Variants in SEMA6D observed in about 807,000 individuals in gnomAD.
SEMA6D encodes semaphorin-6D.
A neutral mutation model predicts 106.6 loss-of-function variants in SEMA6D; 35 were observed. The ratio of observed to expected loss-of-function variants is 0.33; its 90% CI spans 0.25 to 0.44. The LOEUF is 0.44. Ranked by LOEUF, SEMA6D falls within the 20% of genes least tolerant of loss-of-function variation. SEMA6D has a pLI of 1.00. For missense variants in SEMA6D, 1,185 were observed against 1,345.9 expected, an observed-to-expected ratio of 0.88 and a Z score of 1.87; for synonymous variants, 499 against 487.7, an observed-to-expected ratio of 1.02 and a Z score of -0.31.
At chr15:47,390,900 A>G (rs1040298598) in intron 1 of SEMA6D, among the ~76,000 whole-genome samples, 3 of 152,266 alleles carry the variant, frequency 2.0e-5, no homozygotes, top group African/African-American at 7.2e-5. Flanking sequence ...TTAATAACCG[A>G]GAAGCAGGAG....
intron 1 of SEMA6D, among the ~76,000 whole-genome samples, chr15:47,756,917 AG>A (rs1244373994): frequency 2.1e-5 from 2 of 96,988 alleles, no homozygotes; most frequent in Non-Finnish European, 4.5e-5. Flanking sequence ...TTTTTTTTTC[AG>A]AAATACAGCT....
At chr15:47,621,213 C>T (rs376691582) in intron 4 of SEMA6D, among the ~76,000 whole-genome samples, 3 of 152,136 alleles carry the variant, frequency 2.0e-5, no homozygotes, top group East Asian at 1.9e-4. Context: ...CAGGTGAGAA[C>T]CCCACCAACT....
chr15:47,218,718 AT>A (rs1390726897), intron 1 of SEMA6D, among the ~76,000 whole-genome samples: 3 of 152,190 alleles, frequency 2.0e-5, no homozygotes, highest in Non-Finnish European at 4.4e-5. Flanking sequence ...GGAAATGTAA[AT>A]TTATTAATCC....
At chr15:47,364,705 C>G (rs536571993) in intron 1 of SEMA6D, among the ~76,000 whole-genome samples, 36 of 152,148 alleles carry the variant, frequency 2.4e-4, no homozygotes, top group African/African-American at 7.9e-4. Flanking sequence ...CCAATGCTTT[C>G]TCATCTTAAG....
In SEMA6D at chr15:47,260,102, T is replaced by C. The variant is rs115798601; in HGVS notation, c.-239+75684T>C. Among the ~76,000 whole-genome samples, 1,295 of 152,198 alleles carry C rather than the reference T, an allele frequency of 8.5e-3. 25 individuals are homozygous for C. The highest frequency in any genetic ancestry group is 0.03 in the African/African-American group (1,233 of 41,562). ...TTGCTGATATTTTCTACTTTATATT[T>C]GTTTCAAGAGAGTTTATAATTGATT... On this transcript the variant is annotated intron_variant, in intron 1 of 19. Transcript: ENST00000558014.
chr15:47,297,778 A>G (rs2035863046), intron 1 of SEMA6D, among the ~76,000 whole-genome samples: 1 of 152,164 alleles, frequency 6.6e-6, no homozygotes. Context: ...TTGTGTGATC[A>G]AGGGAGCTGC....
intron 3 of SEMA6D, among the ~76,000 whole-genome samples, chr15:47,577,100 A>T (rs2076168755): frequency 6.6e-6 from 1 of 152,244 alleles, no homozygotes; most frequent in Non-Finnish European, 1.5e-5. Context: ...AATTATAAAC[A>T]TTAGTAAGTG....
chr15:47,710,373 G>T (rs2078992828), intron 4 of SEMA6D, among the ~76,000 whole-genome samples: 1 of 152,106 alleles, frequency 6.6e-6, no homozygotes, highest in African/African-American at 2.4e-5. Flanking sequence ...AGTATGCCTT[G>T]AAACTGAGTG....
intron 1 of SEMA6D, among the ~76,000 whole-genome samples, chr15:47,728,981 A>G (rs1273418065): frequency 6.6e-6 from 1 of 152,214 alleles, no homozygotes; most frequent in Non-Finnish European, 1.5e-5. Context: ...CATGTAAGGC[A>G]GCATATTTAC....
chr15:47,302,564 G>T (rs1189919876), intron 1 of SEMA6D, among the ~76,000 whole-genome samples: 5 of 152,116 alleles, frequency 3.3e-5, no homozygotes. Flanking sequence ...CTGGATGAGT[G>T]GGTGGGTCCA....
intron 1 of SEMA6D, among the ~76,000 whole-genome samples, chr15:47,365,815 C>T (rs548243625): frequency 4.0e-5 from 6 of 149,420 alleles, no homozygotes; most frequent in South Asian, 2.1e-4. Flanking sequence ...GAGCCGAGAT[C>T]ACGCCACTGC....
At chr15:47,275,330 A>G (rs888179918) in intron 1 of SEMA6D, among the ~76,000 whole-genome samples, 3 of 152,162 alleles carry the variant, frequency 2.0e-5, no homozygotes, top group African/African-American at 7.2e-5. Context: ...CTGTTAGTAT[A>G]AGGATACCTT....
intron 3 of SEMA6D, 112 bp downstream of exon 3, chr15:47,760,527 A>C (rs1478504720): frequency 8.9e-6 from 7 of 789,846 alleles, no homozygotes; most frequent in Non-Finnish European, 1.4e-5. Flanking sequence ...AAAAATTGCA[A>C]GTAGCCAGAA....
At chr15:47,525,124 CA>C (rs1031814142) in intron 3 of SEMA6D, 2 of 152,350 alleles carry the variant, frequency 1.3e-5, no homozygotes, top group Admixed American at 6.5e-5. Context: ...CCCTGCCTAC[CA>C]GTAGTCTCTC....
intron 3 of SEMA6D, among the ~76,000 whole-genome samples, chr15:47,505,319 AG>A (rs1267176345): frequency 1.3e-5 from 2 of 152,208 alleles, no homozygotes; most frequent in African/African-American, 4.8e-5. Context: ...AGCAGGACTG[AG>A]AACTTAAGCC....
intron 3 of SEMA6D, among the ~76,000 whole-genome samples, chr15:47,593,223 T>C (rs1009499816): frequency 2.0e-5 from 3 of 151,534 alleles, no homozygotes; most frequent in Admixed American, 6.6e-5. Flanking sequence ...GCTAACACGG[T>C]AAAACCCTGT....
At chr15:47,323,707 G>A (rs1566998203) in intron 1 of SEMA6D, among the ~76,000 whole-genome samples, 2 of 152,226 alleles carry the variant, frequency 1.3e-5, no homozygotes, top group Admixed American at 1.3e-4. Context: ...CTAGGAATTT[G>A]TCTGTCTCCT....
intron 1 of SEMA6D, among the ~76,000 whole-genome samples, chr15:47,272,029 A>C (rs2034582483): frequency 6.6e-6 from 1 of 152,206 alleles, no homozygotes; most frequent in South Asian, 2.1e-4. Context: ...AATTCAGCTC[A>C]CAAGCCTTCT....
intron 1 of SEMA6D, among the ~76,000 whole-genome samples, chr15:47,356,200 A>G (rs1332265899): frequency 6.6e-6 from 1 of 152,340 alleles, no homozygotes; most frequent in East Asian, 1.9e-4. Context: ...ATGGCAAGAG[A>G]CAAAATAAGC....
Sources: allele counts gnomAD v4.1 joint callset (sites outside exome capture counted in the v4.1 genomes callset), GRCh38; gene constraint gnomAD v4.1.1; transcripts MANE v1.5; gene names NCBI Gene and HGNC (gene_info 2026-07-23, HGNC 2026-07-21).